PPP1R21: variants seen among roughly 807,000 people sequenced by gnomAD.
PPP1R21 encodes the protein KLRAQ motif containing 1.
A neutral mutation model predicts 112.8 loss-of-function variants in PPP1R21; 85 were observed. That is an observed-to-expected ratio of 0.75 (90% CI 0.63 to 0.90). PPP1R21 has a LOEUF of 0.90. Ranked by LOEUF, PPP1R21 falls within the 40% of genes least tolerant of loss-of-function variation. PPP1R21 has a pLI of 0.00. For missense variants in PPP1R21, 1,199 were observed against 901.5 expected (o/e 1.33, Z -4.23); for synonymous variants, 381 against 322.3 (o/e 1.18, Z -1.95).
chr2:48,464,585 C>T (rs1668118554), intron 7 of PPP1R21, among the ~76,000 whole-genome samples: 1 of 152,092 alleles, frequency 6.6e-6, no homozygotes, highest in Non-Finnish European at 1.5e-5. Context: ...AGCGTGGCGG[C>T]TTTGTGGAGG....
chr2:48,440,805 G>T lies in PPP1R21; in HGVS notation c.-149G>T. ...CCACCCCGGGAACCCGGAAGTGGAGGAGGAGGCGCGGCGGCGGCGGCGGCG... is the reference window on the plus strand; with the variant it reads ...CCACCCCGGGAACCCGGAAGTGGAGTAGGAGGCGCGGCGGCGGCGGCGGCG... On this transcript the variant is annotated 5_prime_UTR_variant, in exon 1 of 22. Transcript: ENST00000294952. 2 of 643,938 alleles carry T rather than the reference G, an allele frequency of 3.1e-6. No homozygotes were observed. The allele number at this position is 643,938 out of a possible 1,614,324, so 39.9% of individuals were successfully genotyped here.
In PPP1R21 at chr2:48,510,103, G is replaced by A. The variant is rs1455591174; in HGVS notation, c.2174G>A (p.Ser725Asn). Residue 725 changes from serine to asparagine, a missense_variant, in exon 20 of 22, where the codon AGC becomes AAC. Ser to Asn is a conservative substitution (Grantham distance 46, BLOSUM62 1). Coordinates refer to ENST00000294952, the MANE Select transcript of PPP1R21 (RefSeq NM_001135629.3). ...ATGAAACTTGCCAGTCAGAACATCA[G>A]CAGACTTCAGGTGAGTTAAGTGTTA... is the stretch of plus-strand genomic sequence containing the variant. Reference protein sequence around the residue: ...EEMKLASQNISRLQDELTTTK... With the variant: ...EEMKLASQNINRLQDELTTTK... 4.3e-6 allele frequency: 7 copies of A among 1,613,212 alleles called. No individual in the cohort carries two copies. Among genetic ancestry groups the A allele is most frequent in the Non-Finnish European group, 5.9e-6 (7 of 1,179,380 alleles).
intron 14 of PPP1R21, among the ~76,000 whole-genome samples, chr2:48,488,357 G>T (rs975626704): frequency 6.6e-6 from 1 of 151,144 alleles, no homozygotes. Flanking sequence ...ATGAGTCTCT[G>T]TATTTGCCAA....
rs76587580 is a variant in PPP1R21, at chr2:48,454,729, C to A, written c.261C>A (p.Gly87=). Reference sequence around the variant, plus strand: ...AACTAGCTCTAAGTGAACCACGAGGCAAGAAAAACAAGGTAGGTTCAAATA... The same window carrying A: ...AACTAGCTCTAAGTGAACCACGAGGAAAGAAAAACAAGGTAGGTTCAAATA... ...QDELALSEPR[G]KKNKKSGESS... Residue 87 remains glycine (G), a synonymous_variant, in exon 3 of 22, where the codon GGC becomes GGA. Coordinates refer to ENST00000294952, the MANE Select transcript of PPP1R21 (RefSeq NM_001135629.3). The A allele has an allele frequency of 6.2e-7, 1 of 1,612,668 alleles. No individual in the cohort carries two copies. The highest frequency in any genetic ancestry group is 8.5e-7 in the Non-Finnish European group (1 of 1,178,902).
intron 1 of PPP1R21, among the ~76,000 whole-genome samples, chr2:48,444,096 G>T (rs1667150033): frequency 6.6e-6 from 1 of 152,156 alleles, no homozygotes; most frequent in South Asian, 2.1e-4. Context: ...GACACTGAGA[G>T]TCCAGTTAGA....
chr2:48,476,455 T>C (rs904382423), intron 12 of PPP1R21, among the ~76,000 whole-genome samples: 1 of 152,204 alleles, frequency 6.6e-6, no homozygotes, highest in Non-Finnish European at 1.5e-5. Flanking sequence ...TTCATTTCTT[T>C]GGGGTGTATA....
At chr2:48,491,888 C>A (rs1485579388) in intron 15 of PPP1R21, among the ~76,000 whole-genome samples, 1 of 151,886 alleles carries the variant, frequency 6.6e-6, no homozygotes, top group East Asian at 1.9e-4. Flanking sequence ...ATATAAATTA[C>A]TATGTTTTTA....
chr2:48,474,570 T>C, intron 11 of PPP1R21, 113 bp from the exon 12 acceptor site: 1 of 960,924 alleles, frequency 1.0e-6, no homozygotes, highest in Non-Finnish European at 1.6e-6. Context: ...ATCAAATTCT[T>C]TTTTCTGCAA....
chr2:48,504,591 C>T (rs1320599288), intron 17 of PPP1R21, among the ~76,000 whole-genome samples: 2 of 151,756 alleles, frequency 1.3e-5, no homozygotes, highest in Admixed American at 6.6e-5. Flanking sequence ...CAGTGAGCCT[C>T]GGTCGCACCA....
Position 48,471,304 on chromosome 2 carries a change from T to A in PPP1R21, c.1025T>A (p.Phe342Tyr). 1 of 1,612,026 alleles carries A rather than the reference T, an allele frequency of 6.2e-7. No homozygotes were observed. Among genetic ancestry groups the A allele is most frequent in the Non-Finnish European group, 8.5e-7 (1 of 1,179,246 alleles). Residue 342 changes from phenylalanine (F) to tyrosine (Y), a missense_variant, in exon 11 of 22, where the codon TTT (phenylalanine) becomes TAT (tyrosine). Phe to Tyr is a conservative substitution (Grantham distance 22). Transcript: ENST00000294952. ...GAGACAACTGTGAAATTGAAAACTT[T>A]TTCAGAACACTTAACCTCCTACATA... ...VLETTVKLKT[F>Y]SEHLTSYICF... is the part of the protein sequence containing the mutation.
At chr2:48,464,542 G>C (rs1668115537) in intron 7 of PPP1R21, among the ~76,000 whole-genome samples, 1 of 152,198 alleles carries the variant, frequency 6.6e-6, no homozygotes, top group African/African-American at 2.4e-5. Flanking sequence ...CGGTAATGTA[G>C]TGTCAGGAAA....
rs60276176 is a variant in PPP1R21 at position 48,440,869 on chromosome 2, C to A, written c.-85C>A. 107 of 838,484 alleles carry A rather than the reference C, an allele frequency of 1.3e-4. No homozygotes were observed. In the African/African-American group the frequency reaches 1.7e-3, roughly 13 times the overall value. 51.9% of individuals were successfully genotyped at this position (838,484 alleles called of 1,614,324 possible). On this transcript the variant is annotated 5_prime_UTR_variant, in exon 1 of 22. Transcript: ENST00000294952. ...CCAAGCAGGCAGATACTGCCTGACC[C>A]GTTCCCGGGAGCGTGTCTGGGTTTG...
chr2:48,451,406 G>A (rs1430817205), intron 2 of PPP1R21, among the ~76,000 whole-genome samples: 5 of 152,194 alleles, frequency 3.3e-5, no homozygotes, highest in African/African-American at 1.2e-4. Flanking sequence ...GCTTTCTGAG[G>A]GAGGCTATGT....
At chr2:48,490,598 C>G (rs1669518987) in intron 14 of PPP1R21, among the ~76,000 whole-genome samples, 2 of 152,010 alleles carry the variant, frequency 1.3e-5, no homozygotes, top group Admixed American at 1.3e-4. Context: ...GTTACATATT[C>G]AAGATACTAT....
chr2:48,497,421 T>G (rs1379886970), intron 16 of PPP1R21, among the ~76,000 whole-genome samples: 2 of 152,152 alleles, frequency 1.3e-5, no homozygotes, highest in Admixed American at 1.3e-4. Context: ...CAGTTACTGC[T>G]CTCCTCTCCC....
chr2:48,459,091 C>CAAAA (rs747369228), intron 4 of PPP1R21, among the ~76,000 whole-genome samples: 16 of 55,250 alleles, frequency 2.9e-4, no homozygotes, highest in African/African-American at 5.2e-4. Context: ...GACTCTGTCT[C>CAAAA]AAAAAAAAAA....
In PPP1R21 at chr2:48,454,639, G is replaced by C; in HGVS notation, c.171G>C (p.Gln57His). 6.2e-7 allele frequency: 1 copy of C among 1,614,000 alleles called. No homozygotes were observed. Residue 57 changes from glutamine (Q) to histidine (H), a missense_variant, in exon 3 of 22, where the codon CAG becomes CAC. Transcript: ENST00000294952. ...MKDQSLRKLQ[Q>H]EMDSLTFRNL... is the part of the protein sequence containing the mutation. ...ATCAGTCATTGAGAAAACTACAACA[G>C]GAAATGGACAGTTTGACATTTCGAA...
intron 17 of PPP1R21, among the ~76,000 whole-genome samples, chr2:48,500,402 G>A (rs181520397): frequency 2.0e-5 from 3 of 151,334 alleles, no homozygotes; most frequent in East Asian, 3.9e-4. Flanking sequence ...ACTTTTTACC[G>A]CTAACCTTTC....
In PPP1R21 at chr2:48,508,839, A is replaced by C. The variant is rs998500932; in HGVS notation, c.2086-1176A>C. Among the ~76,000 whole-genome samples, 4 of 152,174 alleles carry C rather than the reference A, an allele frequency of 2.6e-5. No individual in the cohort carries two copies. In the East Asian group the frequency reaches 7.7e-4, roughly 29 times the overall value. ...TGAGGAATTTTTTTTAGGCTGTTTGATTTCCAAGACATTTAGTTATTTTAG... is the reference window on the plus strand; with the variant it reads ...TGAGGAATTTTTTTTAGGCTGTTTGCTTTCCAAGACATTTAGTTATTTTAG... On this transcript the variant is annotated intron_variant, in intron 19 of 21. Coordinates refer to ENST00000294952, the MANE Select transcript of PPP1R21 (RefSeq NM_001135629.3).
Sources: allele counts gnomAD v4.1 joint callset (sites outside exome capture counted in the v4.1 genomes callset), GRCh38; gene constraint gnomAD v4.1.1; transcripts MANE v1.5; gene names NCBI Gene and HGNC (gene_info 2026-07-23, HGNC 2026-07-21).